Variants in WASF1 observed in about 807,000 individuals in gnomAD.
WASF1 encodes actin-binding protein WASF1.
A neutral mutation model predicts 50.5 loss-of-function variants in WASF1; 7 were observed. That is an observed-to-expected ratio of 0.14 (90% CI 0.08 to 0.26). The LOEUF is 0.26. WASF1 is among the 10% of genes least tolerant of loss of function. The pLI is 1.00. For missense variants in WASF1, 470 were observed against 694.7 expected, an observed-to-expected ratio of 0.68 and a Z score of 3.64; for synonymous variants, 205 against 244.0, an observed-to-expected ratio of 0.84 and a Z score of 1.49.
chr6:110,106,441 G>C (rs143537633), intron 7 of WASF1, among the ~76,000 whole-genome samples: 12 of 152,378 alleles, frequency 7.9e-5, no homozygotes, highest in African/African-American at 2.9e-4. Flanking sequence ...GAGAACCAGA[G>C]AGATGATAAA....
At chr6:110,155,100 A>T (rs1365561525) in intron 3 of WASF1, among the ~76,000 whole-genome samples, 1 of 152,102 alleles carries the variant, frequency 6.6e-6, no homozygotes, top group Non-Finnish European at 1.5e-5. Flanking sequence ...TAATACCCTG[A>T]AATAATCAGA....
intron 5 of WASF1, among the ~76,000 whole-genome samples, chr6:110,112,849 G>A (rs144800026): frequency 0.02 from 2,978 of 147,870 alleles, 96 homozygotes; most frequent in African/African-American, 0.069. Flanking sequence ...GCAGTGAGCC[G>A]AGATTGCGCC....
At chr6:110,103,623 G>A in intron 8 of WASF1, 66 bp from the exon 9 acceptor site, 1 of 1,354,622 alleles carries the variant, frequency 7.4e-7, no homozygotes, top group Non-Finnish European at 9.9e-7. Flanking sequence ...TTCTACATGA[G>A]ATATTAAATA....
intron 4 of WASF1, among the ~76,000 whole-genome samples, chr6:110,121,992 C>T (rs1774153312): frequency 1.3e-5 from 2 of 150,338 alleles, no homozygotes; most frequent in South Asian, 2.1e-4. Flanking sequence ...AACATGAACA[C>T]ATGGACACAT....
intron 6 of WASF1, among the ~76,000 whole-genome samples, chr6:110,107,794 T>A (rs1218641638): frequency 6.6e-6 from 1 of 152,168 alleles, no homozygotes; most frequent in African/African-American, 2.4e-5. Context: ...CAGATTTTAT[T>A]CTAAGTGGTA....
intron 3 of WASF1, among the ~76,000 whole-genome samples, chr6:110,143,198 T>C (rs560282114): frequency 6.2e-4 from 94 of 152,062 alleles, no homozygotes; most frequent in African/African-American, 2.3e-3. Context: ...TAAATCCTGA[T>C]ATAGATTTTA....
chr6:110,130,997 G>T (rs1774641548), intron 3 of WASF1, among the ~76,000 whole-genome samples: 1 of 152,130 alleles, frequency 6.6e-6, no homozygotes, highest in Non-Finnish European at 1.5e-5. Context: ...CTTGGGAAGT[G>T]CCTGTTCAAT....
chr6:110,151,266 G>A (rs1775810819), intron 3 of WASF1, among the ~76,000 whole-genome samples: 1 of 152,088 alleles, frequency 6.6e-6, no homozygotes, highest in Non-Finnish European at 1.5e-5. Flanking sequence ...GACATTCTTG[G>A]TAACACTTGG....
intron 4 of WASF1, among the ~76,000 whole-genome samples, chr6:110,113,875 T>TCTAC (rs201524550): frequency 6.6e-6 from 1 of 151,396 alleles, no homozygotes; most frequent in African/African-American, 2.4e-5. Context: ...TATACAGAAA[T>TCTAC]TATAAAAAGT....
chr6:110,147,728 T>G (rs1775637449), intron 3 of WASF1, among the ~76,000 whole-genome samples: 1 of 152,180 alleles, frequency 6.6e-6, no homozygotes, highest in Non-Finnish European at 1.5e-5. Flanking sequence ...ACAAGCATAA[T>G]ACTGCACCAA....
rs1774470477 is a variant in WASF1 at position 110,127,485 on chromosome 6, T to C, written c.117A>G (p.Arg39=). 6.2e-7 allele frequency: 1 copy of C among 1,602,806 alleles called. No homozygotes were observed. Among genetic ancestry groups the C allele is most frequent in the African/African-American group, 1.3e-5 (1 of 74,634 alleles). The change falls in exon 4 of 11, where the codon AGA becomes AGG. Residue 39 remains arginine, a synonymous_variant. Coordinates refer to ENST00000392589, the MANE Select transcript of WASF1 (RefSeq NM_003931.3). The part of the protein sequence containing the change: ...VTNISLANII[R]QLSSLSKYAE... The stretch of plus-strand genomic sequence containing the variant: ...TATACTTACTTAGGCTACTTAGTTG[T>C]CTAATTATATTTGCCAAGGAAATAT...
At chr6:110,113,790 A>T (rs997103918) in intron 4 of WASF1, among the ~76,000 whole-genome samples, 1 of 152,222 alleles carries the variant, frequency 6.6e-6, no homozygotes, top group African/African-American at 2.4e-5. Context: ...TAAAAATTTT[A>T]AAGTATATTT....
chr6:110,163,893 C>A (rs1776364433), intron 2 of WASF1, among the ~76,000 whole-genome samples: 1 of 151,480 alleles, frequency 6.6e-6, no homozygotes, highest in East Asian at 1.9e-4. Context: ...GAATAAAGAG[C>A]CCAGAAACAG....
intron 3 of WASF1, among the ~76,000 whole-genome samples, chr6:110,143,996 T>C (rs1239054137): frequency 1.3e-5 from 2 of 152,172 alleles, no homozygotes; most frequent in Non-Finnish European, 2.9e-5. Context: ...GATGACTGGG[T>C]CAAATGGTAT....
In WASF1 at chr6:110,136,721, C is replaced by T. The variant is rs1774985127; in HGVS notation, c.-28-9092G>A. Among the ~76,000 whole-genome samples, 3 of 152,300 alleles carry T rather than the reference C, an allele frequency of 2.0e-5. No individual in the cohort carries two copies. The South Asian group carries it at 6.2e-4, about 32-fold the overall frequency. ...TCTTTGTTTTAAACATGTCTCTTCACAGAATACAGTTAGCTGCTGCCTTTT... is the reference window on the plus strand; with the variant it reads ...TCTTTGTTTTAAACATGTCTCTTCATAGAATACAGTTAGCTGCTGCCTTTT... On this transcript the variant is annotated intron_variant, in intron 3 of 10. Transcript: ENST00000392589.
rs1285094776 is a variant in WASF1, at chr6:110,102,047, G to A, written c.1063C>T (p.Pro355Ser). The change falls in exon 10 of 11, where the codon CCA becomes TCA. Residue 355 changes from proline (P) to serine (S), a missense_variant. Physicochemically the swap from Pro to Ser is moderately conservative, Grantham distance 74 (BLOSUM62 -1). Coordinates refer to ENST00000392589, the MANE Select transcript of WASF1 (RefSeq NM_003931.3). ...AAAGCAGTGGCTGGAGGTGGAGGTGGGGGAGGTACTGGAGGGGGAGGAGTT... is the reference window on the plus strand; with the variant it reads ...AAAGCAGTGGCTGGAGGTGGAGGTGAGGGAGGTACTGGAGGGGGAGGAGTT... ...TSTPPPPVPP[P>S]PPPPATALQA... 1.3e-6 allele frequency: 2 copies of A among 1,530,426 alleles called. No homozygotes were observed. Among genetic ancestry groups the A allele is most frequent in the Non-Finnish European group, 8.8e-7 (1 of 1,140,192 alleles). 94.8% of individuals were successfully genotyped at this position (1,530,426 alleles called of 1,614,324 possible).
intron 5 of WASF1, among the ~76,000 whole-genome samples, chr6:110,110,376 T>C (rs1773504088): frequency 6.6e-6 from 1 of 152,178 alleles, no homozygotes; most frequent in Admixed American, 6.5e-5. Context: ...CAGAAGTGGG[T>C]TGTGTTTTCT....
chr6:110,145,619 T>C (rs1340212019), intron 3 of WASF1, among the ~76,000 whole-genome samples: 1 of 152,140 alleles, frequency 6.6e-6, no homozygotes, highest in African/African-American at 2.4e-5. Flanking sequence ...CTCTTATGAT[T>C]CTGAGATACA....
chr6:110,161,108 A>T (rs1776245468), intron 2 of WASF1, among the ~76,000 whole-genome samples: 1 of 151,558 alleles, frequency 6.6e-6, no homozygotes, highest in Admixed American at 6.6e-5. Flanking sequence ...TCCTTTCAAG[A>T]TGTCTTCCTC....
Sources: gnomAD v4.1 joint callset for allele counts (sites outside exome capture counted in the v4.1 genomes callset) on GRCh38, gnomAD v4.1.1 for gene constraint, MANE v1.5 for transcripts, NCBI Gene and HGNC (gene_info 2026-07-23, HGNC 2026-07-21) for gene names.